Variants in N4BP2 observed in about 807,000 individuals in gnomAD.
The protein encoded by N4BP2 is NEDD4-binding protein 2.
N4BP2 carries 91 observed loss-of-function variants against 152.8 expected under a neutral mutation model. The observed-to-expected ratio is 0.60, with a 90% CI of 0.50 to 0.71. The LOEUF is 0.71. Ranked by LOEUF, N4BP2 falls within the 30% of genes least tolerant of loss-of-function variation. N4BP2 has a pLI of 0.00. For missense variants in N4BP2, 1,923 were observed against 2,059.1 expected (o/e 0.93, Z 1.28); for synonymous variants, 646 against 705.3 (o/e 0.92, Z 1.33).
intron 1 of N4BP2, among the ~76,000 whole-genome samples, chr4:40,060,621 G>A (rs1430028273): frequency 1.0e-5 from 1 of 100,156 alleles, no homozygotes; most frequent in Non-Finnish European, 2.1e-5. Flanking sequence ...TTTTTTTTTT[G>A]AGACAGGGTC....
At chr4:40,114,881 C>G (rs1223049987) in intron 7 of N4BP2, among the ~76,000 whole-genome samples, 2 of 152,110 alleles carry the variant, frequency 1.3e-5, no homozygotes, top group Non-Finnish European at 2.9e-5. Context: ...ACTATTAAAG[C>G]AATTATAGTA....
intron 16 of N4BP2, among the ~76,000 whole-genome samples, chr4:40,148,709 C>G (rs867191881): frequency 6.6e-6 from 1 of 152,064 alleles, no homozygotes; most frequent in East Asian, 1.9e-4. Context: ...AGACTGGTCT[C>G]GAACTTCTGG....
chr4:40,097,585 G>C lies in N4BP2; in HGVS notation c.229+16G>C, dbSNP rs373251697. ...GATTTCAAAGGTGAGAAAAAGTTTA[G>C]TTTGAACCCTGTCCATCTTATAAGA... On this transcript the variant is annotated intron_variant, in intron 3 of 17. Coordinates refer to ENST00000261435, the MANE Select transcript of N4BP2 (RefSeq NM_018177.6). 3 of 1,489,372 alleles carry C rather than the reference G, an allele frequency of 2.0e-6. No individual in the cohort carries two copies. Among genetic ancestry groups the C allele is most frequent in the African/African-American group, 2.8e-5 (2 of 72,472 alleles). The allele number at this position is 1,489,372 out of a possible 1,614,324, so 92.3% of individuals were successfully genotyped here.
intron 2 of N4BP2, among the ~76,000 whole-genome samples, chr4:40,080,814 C>T (rs1456003763): frequency 1.5e-5 from 2 of 133,990 alleles, no homozygotes; most frequent in African/African-American, 2.7e-5. Flanking sequence ...CCTGCCACCA[C>T]GCCTGGCTAA....
rs548140566 is a variant in N4BP2 at position 40,129,184 on chromosome 4, G to A, written c.4528-2617G>A. On this transcript the variant is annotated intron_variant, in intron 12 of 17. Coordinates refer to ENST00000261435, the MANE Select transcript of N4BP2 (RefSeq NM_018177.6). ...CCACTTCAGCCTCCCAAGTAGCTGG[G>A]ACTACAGGTGTGAGTCACGATGCCC... Among the ~76,000 whole-genome samples the A allele has an allele frequency of 2.6e-5, 4 of 152,106 alleles. No homozygotes were observed. In the South Asian group the frequency reaches 8.3e-4, roughly 32 times the overall value.
chr4:40,077,810 G>A (rs970485472), intron 2 of N4BP2: 6 of 152,054 alleles, frequency 3.9e-5, no homozygotes, highest in African/African-American at 9.7e-5. Context: ...TTGTTCCACC[G>A]AGGTAAATTA....
In N4BP2 at chr4:40,084,749, C is replaced by A. The variant is rs918850659; in HGVS notation, c.-115+11198C>A. On this transcript the variant is annotated intron_variant, in intron 2 of 17. Coordinates refer to ENST00000261435, the MANE Select transcript of N4BP2 (RefSeq NM_018177.6). ...GGTTCAAGCGATTCTCCTGCCTCAGCCTCCTGAGTAGCTGGGCCACCATGC... is the reference window on the plus strand; with the variant it reads ...GGTTCAAGCGATTCTCCTGCCTCAGACTCCTGAGTAGCTGGGCCACCATGC... 2.0e-5 allele frequency among the ~76,000 whole-genome samples: 3 copies of A among 151,136 alleles called. No individual in the cohort carries two copies. The South Asian group carries it at 6.3e-4, about 31-fold the overall frequency.
At chr4:40,077,851 C>T (rs1169224939) in intron 2 of N4BP2, 1 of 152,118 alleles carries the variant, frequency 6.6e-6, no homozygotes, top group Non-Finnish European at 1.5e-5. Context: ...TCATATACTA[C>T]ATATAAAAGA....
At chr4:40,084,587 C>G (rs1341419377) in intron 2 of N4BP2, among the ~76,000 whole-genome samples, 1 of 150,488 alleles carries the variant, frequency 6.6e-6, no homozygotes, top group African/African-American at 2.4e-5. Flanking sequence ...AGGCATGCAC[C>G]TCCACGCCCA....
chr4:40,109,510 GAGT>G (rs1204794489), intron 5 of N4BP2, among the ~76,000 whole-genome samples: 256 of 152,236 alleles, frequency 1.7e-3, no homozygotes, highest in African/African-American at 5.8e-3. Context: ...CTGAGGTCAG[GAGT>G]TTGAGACCAC....
At chr4:40,166,407 T>G in the N4BP2 span, among the ~76,000 whole-genome samples, 1 of 152,074 alleles carries the variant, frequency 6.6e-6, no homozygotes, top group Non-Finnish European at 1.5e-5. Flanking sequence ...TAGAGATAAT[T>G]GGCTGGGCGA....
At chr4:40,167,595 C>G in the N4BP2 span, 5 of 152,018 alleles carry the variant, frequency 3.3e-5, no homozygotes, top group Non-Finnish European at 7.4e-5. Context: ...GAAAGGATTC[C>G]AAGAATCTAT....
chr4:40,166,694 A>C, the N4BP2 span: 2 of 151,942 alleles, frequency 1.3e-5, no homozygotes, highest in African/African-American at 4.9e-5. Context: ...CATCTAAAAA[A>C]AAAACAAACA....
chr4:40,162,495 C>A (rs1324212010), downstream of N4BP2, among the ~76,000 whole-genome samples: 1 of 152,020 alleles, frequency 6.6e-6, no homozygotes, highest in Non-Finnish European at 1.5e-5. Context: ...GGATGAGTAT[C>A]AAATGCTCAT....
At chr4:40,152,027 G>A (rs1250220085) in intron 16 of N4BP2, among the ~76,000 whole-genome samples, 1 of 151,948 alleles carries the variant, frequency 6.6e-6, no homozygotes, top group African/African-American at 2.4e-5. Context: ...TTAGTTTTCA[G>A]GATTTATATC....
At chr4:40,136,809 A>T in intron 13 of N4BP2, 135 bp from the exon 14 acceptor site, 1 of 603,572 alleles carries the variant, frequency 1.7e-6, no homozygotes, top group Non-Finnish European at 2.9e-6. Flanking sequence ...ATGAGCATTT[A>T]ATTTCAAGGT....
At chr4:40,185,586 T>G in the N4BP2 span, among the ~76,000 whole-genome samples, 6 of 152,210 alleles carry the variant, frequency 3.9e-5, no homozygotes, top group South Asian at 1.2e-3. Flanking sequence ...TTGGTAAACA[T>G]TTGAGAACTT....
chr4:40,165,311 C>T, the N4BP2 span, among the ~76,000 whole-genome samples: 1 of 152,048 alleles, frequency 6.6e-6, no homozygotes, highest in African/African-American at 2.4e-5. Context: ...TACAGTGGCA[C>T]AATCACAGGC....
At position 40,102,379 on chromosome 4, in the gene N4BP2, G is replaced by A. The variant is rs1715756935; in HGVS notation, c.534G>A (p.Glu178=). The part of the protein sequence containing the change: ...QDVNSFNDSS[E]FINPDSSNMT... ...TTAATAGTTTTAATGACTCAAGTGA[G>A]TTTATAAATCCTGATTCAAGTAATA... Residue 178 remains glutamate (E), a synonymous_variant, in exon 4 of 18, where the codon GAG becomes GAA. Coordinates refer to ENST00000261435, the MANE Select transcript of N4BP2 (RefSeq NM_018177.6). 2.5e-6 allele frequency: 4 copies of A among 1,612,530 alleles called. No homozygotes were observed. The highest frequency in any genetic ancestry group is 3.4e-6 in the Non-Finnish European group (4 of 1,179,424).
Sources: gnomAD v4.1 joint callset for allele counts (sites outside exome capture counted in the v4.1 genomes callset) on GRCh38, gnomAD v4.1.1 for gene constraint, MANE v1.5 for transcripts, NCBI Gene and HGNC (gene_info 2026-07-23, HGNC 2026-07-21) for gene names.